Variants in PPP2R3C observed in about 807,000 individuals in gnomAD.
PPP2R3C encodes the protein serine/threonine-protein phosphatase 2A regulatory subunit B'' subunit gamma.
A neutral mutation model predicts 63.7 loss-of-function variants in PPP2R3C; 47 were observed. That is an observed-to-expected ratio of 0.74 (90% CI 0.58 to 0.94). The LOEUF is 0.94. PPP2R3C is among the 40% of genes least tolerant of loss of function. PPP2R3C has a pLI of 0.00. For missense variants in PPP2R3C, 421 were observed against 518.4 expected (o/e 0.81, Z 1.82); for synonymous variants, 180 against 177.4 (o/e 1.01, Z -0.12).
intron 1 of PPP2R3C, among the ~76,000 whole-genome samples, chr14:35,117,734 G>C (rs553086819): frequency 6.7e-6 from 1 of 149,996 alleles, no homozygotes; most frequent in African/African-American, 2.5e-5. Flanking sequence ...CACTCTTGTT[G>C]CCCAGGCTGG....
intron 1 of PPP2R3C, among the ~76,000 whole-genome samples, chr14:35,120,058 C>T (rs1172498706): frequency 6.6e-6 from 1 of 151,166 alleles, no homozygotes; most frequent in Non-Finnish European, 1.5e-5. Flanking sequence ...TCACTGCGGT[C>T]TCAGTCTCCT....
At chr14:35,102,988 G>A (rs932100962) in intron 6 of PPP2R3C, among the ~76,000 whole-genome samples, 1 of 152,060 alleles carries the variant, frequency 6.6e-6, no homozygotes, top group African/African-American at 2.4e-5. Flanking sequence ...TTGAACTCCC[G>A]AGCTCAAGCG....
At chr14:35,105,459 G>A (rs2046317943) in intron 6 of PPP2R3C, among the ~76,000 whole-genome samples, 1 of 151,792 alleles carries the variant, frequency 6.6e-6, no homozygotes, top group South Asian at 2.1e-4. Flanking sequence ...GGGATTATAG[G>A]CATGAGCCAC....
chr14:35,121,484 TTAGTTAATAAGCAATGTG>T (rs1193927558), intron 1 of PPP2R3C, among the ~76,000 whole-genome samples: 1 of 151,970 alleles, frequency 6.6e-6, no homozygotes, highest in Non-Finnish European at 1.5e-5. Flanking sequence ...TTTAACGAGG[TTAGTTAATAAGCAATGTG>T]AAGGAGAAAA....
intron 11 of PPP2R3C, 58 bp from the exon 12 acceptor site, chr14:35,088,068 T>C (rs764971330): frequency 6.4e-6 from 8 of 1,250,634 alleles, no homozygotes; most frequent in African/African-American, 3.0e-5. Context: ...CATCCCTCTT[T>C]TGCCCTACAA....
In PPP2R3C at chr14:35,091,213, G is replaced by C; in HGVS notation, c.976-6C>G. 1.3e-6 allele frequency: 2 copies of C among 1,595,148 alleles called. No homozygotes were observed. Among genetic ancestry groups the C allele is most frequent in the Non-Finnish European group, 1.7e-6 (2 of 1,173,222 alleles). On this transcript the variant is annotated splice_polypyrimidine_tract_variant and splice_region_variant and intron_variant, in intron 10 of 12. Coordinates refer to ENST00000261475, the MANE Select transcript of PPP2R3C (RefSeq NM_017917.4). The stretch of plus-strand genomic sequence containing the variant: ...TCCAAGTAGGTCTTATAGTCCTACA[G>C]AACAGAAAATAATGTTCATTAGAGG...
chr14:35,117,649 T>C (rs1014552579), intron 1 of PPP2R3C, among the ~76,000 whole-genome samples: 1 of 152,176 alleles, frequency 6.6e-6, no homozygotes, highest in East Asian at 1.9e-4. Context: ...AAGCCTGTAA[T>C]TGTTTCCTTG....
intron 6 of PPP2R3C, chr14:35,100,169 A>G (rs1316079046): frequency 6.6e-6 from 1 of 152,206 alleles, no homozygotes; most frequent in African/African-American, 2.4e-5. Context: ...ATAGCTATAT[A>G]TTATATCATT....
chr14:35,115,807 A>G (rs1164425848), intron 2 of PPP2R3C, among the ~76,000 whole-genome samples: 1 of 151,998 alleles, frequency 6.6e-6, no homozygotes, highest in Non-Finnish European at 1.5e-5. Context: ...TTTTGAGTAG[A>G]GACAGGGTTT....
intron 6 of PPP2R3C, among the ~76,000 whole-genome samples, chr14:35,105,735 T>A (rs1221832164): frequency 6.6e-6 from 1 of 152,122 alleles, no homozygotes; most frequent in Admixed American, 6.5e-5. Flanking sequence ...GCTAGGCCCT[T>A]GTGTAGTCGT....
chr14:35,115,856 A>G lies in PPP2R3C; in HGVS notation c.186+754T>C, dbSNP rs960156216. Among the ~76,000 whole-genome samples, 18 of 152,174 alleles carry G rather than the reference A, an allele frequency of 1.2e-4. 1 individual carries two copies. Among genetic ancestry groups the G allele is most frequent in the Middle Eastern group, 3.4e-3 (1 of 292 alleles). ...AGGCTGGTCTCGAACTCCTGACCTC[A>G]TGATCCACCACCCACCTTGGCCTCC... On this transcript the variant is annotated intron_variant, in intron 2 of 12. Coordinates refer to ENST00000261475, the MANE Select transcript of PPP2R3C (RefSeq NM_017917.4).
At chr14:35,106,176 AAAAT>A (rs1407603586) in intron 6 of PPP2R3C, among the ~76,000 whole-genome samples, 1 of 152,114 alleles carries the variant, frequency 6.6e-6, no homozygotes, top group Non-Finnish European at 1.5e-5. Flanking sequence ...TTAAAAAAAG[AAAAT>A]AAATTTTACA....
chr14:35,103,700 C>G (rs2046263917), intron 6 of PPP2R3C, among the ~76,000 whole-genome samples: 2 of 152,104 alleles, frequency 1.3e-5, no homozygotes, highest in Non-Finnish European at 2.9e-5. Context: ...AAAAAGAAAT[C>G]TGGGCAAACA....
chr14:35,087,592 G>A lies in PPP2R3C; in HGVS notation c.1173+359C>T, dbSNP rs553262716. The A allele has an allele frequency of 4.0e-5, 8 of 200,534 alleles. No individual in the cohort carries two copies. In the East Asian group the frequency reaches 1.1e-3, roughly 28 times the overall value. The allele number at this position is 200,534 out of a possible 1,614,324, so 12.4% of individuals were successfully genotyped here. A position where few individuals can be genotyped will look rare whatever the true frequency, so the allele number is the denominator to read the frequency against. ...TTTTTGTATTTTTAGTAGAGACGGG[G>A]TTTCACCATGTTGACCAGGCTGGTC... On this transcript the variant is annotated intron_variant, in intron 12 of 12. Coordinates refer to ENST00000261475, the MANE Select transcript of PPP2R3C (RefSeq NM_017917.4).
intron 9 of PPP2R3C, among the ~76,000 whole-genome samples, chr14:35,096,079 G>A (rs2045990096): frequency 1.3e-5 from 2 of 152,162 alleles, no homozygotes. Context: ...AGTGCCTCAT[G>A]CCTATAATCC....
At chr14:35,115,893 G>C (rs528809651) in intron 2 of PPP2R3C, among the ~76,000 whole-genome samples, 2 of 152,250 alleles carry the variant, frequency 1.3e-5, no homozygotes, top group South Asian at 2.1e-4. Context: ...AAAGTGTTGG[G>C]ATTACAGGCA....
At chr14:35,113,837 T>C (rs577645730) in intron 2 of PPP2R3C, among the ~76,000 whole-genome samples, 14 of 152,208 alleles carry the variant, frequency 9.2e-5, no homozygotes, top group African/African-American at 3.4e-4. Context: ...ATACCCTACC[T>C]GATCTGCTTT....
At chr14:35,097,466 T>C (rs2046035620) in intron 7 of PPP2R3C, among the ~76,000 whole-genome samples, 3 of 151,746 alleles carry the variant, frequency 2.0e-5, no homozygotes, top group African/African-American at 4.8e-5. Context: ...AGAGTTTGTT[T>C]TGTCTTGTTC....
chr14:35,099,355 GA>G lies in PPP2R3C; in HGVS notation c.602del (p.Ile201ThrfsTer7). 6.2e-7 allele frequency: 1 copy of G among 1,601,906 alleles called. No individual in the cohort carries two copies. Among genetic ancestry groups the G allele is most frequent in the Non-Finnish European group, 8.5e-7 (1 of 1,177,446 alleles). ...GACCATCTAATTGTGGCAACGTAGG[GA>G]TAAGTTCCAATATGTAGTTTTCTAA... ...SDLENYILELIPTLPQLDGLE... is the reference protein window; with the variant it reads ...SDLENYILELXPTLPQLDGLE... On this transcript the variant is annotated frameshift_variant, in exon 7 of 13. Coordinates refer to ENST00000261475, the MANE Select transcript of PPP2R3C (RefSeq NM_017917.4). LOFTEE classifies it high-confidence loss of function.
Sources: gnomAD v4.1 joint callset for allele counts (sites outside exome capture counted in the v4.1 genomes callset) on GRCh38, gnomAD v4.1.1 for gene constraint, MANE v1.5 for transcripts, NCBI Gene and HGNC (gene_info 2026-07-23, HGNC 2026-07-21) for gene names.